The following CCDC88C variants were observed in gnomAD, a reference collection of about 807,000 sequenced individuals.
CCDC88C encodes the protein coiled-coil and HOOK domain protein 88C, also known as protein Daple.
In CCDC88C, 131 loss-of-function variants were observed where a neutral mutation model predicts 198.8. The observed-to-expected ratio is 0.66, with a 90% CI of 0.57 to 0.76. The LOEUF (loss-of-function observed/expected upper bound fraction) is 0.76. CCDC88C is among the 30% of genes least tolerant of loss of function. CCDC88C has a pLI of 0.00. For synonymous variants in CCDC88C, 1,166 were observed against 1,114.7 expected (o/e 1.05, Z -0.92); for missense variants, 2,553 against 2,631.6 (o/e 0.97, Z 0.65).
At chr14:91,278,356 G>A in intron 28 of CCDC88C, 145 bp from the exon 29 acceptor site, 1 of 741,990 alleles carries the variant, frequency 1.3e-6, no homozygotes, top group Non-Finnish European at 2.0e-6. Context: ...TTCCCACCAG[G>A]CTGAAAGTCT....
chr14:91,411,108 C>G (rs80250523), intron 2 of CCDC88C, among the ~76,000 whole-genome samples: 2,501 of 152,280 alleles, frequency 0.016, 74 homozygotes, highest in African/African-American at 0.057. Flanking sequence ...GTGATTATTA[C>G]GACTCCCTCC....
At chr14:91,379,251 C>T (rs1156452900) in intron 3 of CCDC88C, 1 of 152,692 alleles carries the variant, frequency 6.5e-6, no homozygotes, top group African/African-American at 2.4e-5. Context: ...TGTGGAAAGG[C>T]TGGGTCTTAT....
Position 91,359,649 on chromosome 14 carries a change from T to G in CCDC88C, c.333A>C (p.Pro111=), listed in dbSNP as rs542665865. The G allele has an allele frequency of 6.2e-7, 1 of 1,607,034 alleles. No individual in the cohort carries two copies. Among genetic ancestry groups the G allele is most frequent in the East Asian group, 2.2e-5 (1 of 44,730 alleles). The change falls in exon 4 of 30, where the codon CCA becomes CCC. Residue 111 remains proline (P), a synonymous_variant. Transcript: ENST00000389857. ...LPNVLMIGRD[P]LSGKSMEEIK... The stretch of plus-strand genomic sequence containing the variant: ...GGAGCGGCTTTCACTCACCAGACAG[T>G]GGGTCTCTGCCAATCATCAAAACAT...
intron 22 of CCDC88C, among the ~76,000 whole-genome samples, chr14:91,295,616 T>C (rs1369007656): frequency 6.6e-6 from 1 of 152,198 alleles, no homozygotes; most frequent in African/African-American, 2.4e-5. Flanking sequence ...TTCCACCTCA[T>C]TAGATGCCGG....
intron 3 of CCDC88C, among the ~76,000 whole-genome samples, chr14:91,380,099 C>A (rs553234011): frequency 2.0e-5 from 3 of 152,172 alleles, no homozygotes; most frequent in Admixed American, 6.5e-5. Flanking sequence ...GTCCCTCCCC[C>A]ACCTCATTCA....
chr14:91,326,580 A>G (rs1393114091), intron 10 of CCDC88C, among the ~76,000 whole-genome samples: 1 of 152,200 alleles, frequency 6.6e-6, no homozygotes, highest in African/African-American at 2.4e-5. Flanking sequence ...AAAATCCATG[A>G]ATCAAGATAG....
chr14:91,368,115 T>C (rs1242039825), intron 3 of CCDC88C, among the ~76,000 whole-genome samples: 1 of 152,184 alleles, frequency 6.6e-6, no homozygotes, highest in East Asian at 1.9e-4. Context: ...ATATATTGAG[T>C]ACACAGTTTT....
chr14:91,289,559 T>C (rs1345212342), intron 24 of CCDC88C, among the ~76,000 whole-genome samples: 3 of 152,162 alleles, frequency 2.0e-5, no homozygotes, highest in Admixed American at 1.3e-4. Flanking sequence ...CTGGGGATGG[T>C]AGAGCCATGT....
At position 91,313,139 on chromosome 14, in the gene CCDC88C, T is replaced by A; in HGVS notation, c.2677A>T (p.Asn893Tyr). 6.2e-7 allele frequency: 1 copy of A among 1,609,572 alleles called. No individual in the cohort carries two copies. The highest frequency in any genetic ancestry group is 8.5e-7 in the Non-Finnish European group (1 of 1,176,856). Reference sequence around the variant, plus strand: ...GTGACTTGCTTGGTGAGGTCCCGGTTGTCCTTCTCCAGCTCCTTCAGCTTG... The same window carrying A: ...GTGACTTGCTTGGTGAGGTCCCGGTAGTCCTTCTCCAGCTCCTTCAGCTTG... ...AGKLKELEKDNRDLTKQVTVH... is the reference protein window; with the variant it reads ...AGKLKELEKDYRDLTKQVTVH... Residue 893 changes from asparagine to tyrosine, a missense_variant, in exon 15 of 30, where the codon AAC (asparagine) becomes TAC (tyrosine). Asn to Tyr is a moderately radical substitution (Grantham distance 143). This residue lies in a region of CCDC88C where 1,260 missense variants were observed against 1,412.0 expected (regional missense o/e 0.89). Transcript: ENST00000389857. The surrounding 1 kb of genome is among the most constrained non-coding windows in gnomAD (Gnocchi z 5.2).
chr14:91,412,074 C>A (rs2140019425), intron 2 of CCDC88C, among the ~76,000 whole-genome samples: 1 of 152,006 alleles, frequency 6.6e-6, no homozygotes. Context: ...AAAGCCAGCC[C>A]CCAACTTTTG....
At chr14:91,289,376 G>T in intron 24 of CCDC88C, 33 bp from the exon 25 acceptor site, 1 of 1,585,316 alleles carries the variant, frequency 6.3e-7, no homozygotes. Context: ...GACATAGCCA[G>T]CCCTCCCACA....
At chr14:91,417,350 G>A (rs1216748360) in intron 1 of CCDC88C, 3 of 604,604 alleles carry the variant, frequency 5.0e-6, no homozygotes, top group Non-Finnish European at 8.8e-6. Flanking sequence ...GAGGCAGCCA[G>A]CCTAGAGCCC....
intron 22 of CCDC88C, among the ~76,000 whole-genome samples, chr14:91,296,718 T>G (rs1891020383): frequency 1.3e-5 from 2 of 152,256 alleles, no homozygotes; most frequent in South Asian, 4.1e-4. Context: ...TGTCCTGAGG[T>G]GCCAGCTGTC....
chr14:91,332,937 C>T (rs974800138), intron 10 of CCDC88C, among the ~76,000 whole-genome samples: 7 of 152,196 alleles, frequency 4.6e-5, no homozygotes, highest in Admixed American at 3.9e-4. Context: ...ACCCACAGAC[C>T]GGCCCTTGGC....
At chr14:91,395,579 G>C (rs1167683509) in intron 3 of CCDC88C, among the ~76,000 whole-genome samples, 2 of 152,010 alleles carry the variant, frequency 1.3e-5, no homozygotes, top group African/African-American at 4.8e-5. Context: ...CTGGCCTTCG[G>C]GTAACCAAAG....
In CCDC88C at chr14:91,351,594, G is replaced by A. The variant is rs536171068; in HGVS notation, c.341-7937C>T. ...TACGCACGGGCTCACATTCTGGGGA[G>A]CGGCCCCTGTGGAATCCTCATGTCA... On this transcript the variant is annotated intron_variant, in intron 4 of 29. Coordinates refer to ENST00000389857, the MANE Select transcript of CCDC88C (RefSeq NM_001080414.4). Among the ~76,000 whole-genome samples the A allele has an allele frequency of 2.0e-5, 3 of 152,308 alleles. No individual in the cohort carries two copies. The East Asian group carries it at 5.8e-4, about 29-fold the overall frequency.
rs1030075811 is a variant in CCDC88C, at chr14:91,371,544, G to A, written c.271-11833C>T. On this transcript the variant is annotated intron_variant, in intron 3 of 29. Transcript: ENST00000389857. This position sits in a 1 kb window ranked among gnomAD's most constrained non-coding sequence, Gnocchi z 4.2. The stretch of plus-strand genomic sequence containing the variant: ...CCAAGACCACAGTCTTGGTCCCGAG[G>A]AGCCTGTGGAGTCACAGACTGGGAC... Among the ~76,000 whole-genome samples, 5 of 152,056 alleles carry A rather than the reference G, an allele frequency of 3.3e-5. No individual in the cohort carries two copies. Among genetic ancestry groups the A allele is most frequent in the Admixed American group, 3.3e-4 (5 of 15,280 alleles).
intron 13 of CCDC88C, among the ~76,000 whole-genome samples, chr14:91,319,167 T>G (rs1292173160): frequency 5.3e-5 from 8 of 152,180 alleles, no homozygotes; most frequent in Non-Finnish European, 1.2e-4. Context: ...AGTACACCAG[T>G]GCCTCCACAG....
chr14:91,396,665 G>A (rs1052575457), intron 3 of CCDC88C, among the ~76,000 whole-genome samples: 1 of 152,144 alleles, frequency 6.6e-6, no homozygotes. Flanking sequence ...CTTGCCCTCC[G>A]ATCAGGGGAT....
Sources: gnomAD v4.1 joint callset for allele counts (sites outside exome capture counted in the v4.1 genomes callset) on GRCh38, gnomAD v4.1.1 for gene constraint, gnomAD v4.1.1 regional missense constraint, Gnocchi (gnomAD v3.1) non-coding constraint, MANE v1.5 for transcripts, NCBI Gene and HGNC (gene_info 2026-07-23, HGNC 2026-07-21) for gene names.